GPD2: variants seen among roughly 807,000 people sequenced by gnomAD.
GPD2 encodes the protein glycerol-3-phosphate dehydrogenase 2.
In GPD2, 54 loss-of-function variants were observed where a neutral mutation model predicts 82.4. The ratio of observed to expected loss-of-function variants is 0.66; its 90% CI spans 0.53 to 0.82. The LOEUF (loss-of-function observed/expected upper bound fraction) is 0.82. Ranked by LOEUF, GPD2 falls within the 40% of genes least tolerant of loss-of-function variation. The pLI is 0.00. For synonymous variants in GPD2, 288 were observed against 306.1 expected, an observed-to-expected ratio of 0.94 and a Z score of 0.62; for missense variants, 748 against 896.2, an observed-to-expected ratio of 0.83 and a Z score of 2.11.
intron 6 of GPD2, among the ~76,000 whole-genome samples, chr2:156,516,806 T>C (rs527717626): frequency 1.3e-5 from 2 of 152,042 alleles, no homozygotes; most frequent in African/African-American, 4.8e-5. Flanking sequence ...ATTAGTAATA[T>C]CTTATACACT....
At position 156,582,880 on chromosome 2, in the gene GPD2, G is replaced by A. The variant is rs747731520; in HGVS notation, c.2146G>A (p.Val716Ile). The part of the protein sequence containing the change: ...KTAEENLDRR[V>I]PIPVDRSCGG... ...TGCAGAAGAGAACCTCGACAGAAGA[G>A]TTCCAATTCCAGTGGACCGTAGTTG... Residue 716 changes from valine (V) to isoleucine (I), a missense_variant, in exon 17 of 17, where the codon GTT (valine) becomes ATT (isoleucine). Physicochemically the swap from Val to Ile is conservative, Grantham distance 29 (BLOSUM62 3). Coordinates refer to ENST00000438166, the MANE Select transcript of GPD2 (RefSeq NM_000408.5). 115 of 1,613,040 alleles carry A rather than the reference G, an allele frequency of 7.1e-5. No individual in the cohort carries two copies. The highest frequency in any genetic ancestry group is 8.9e-5 in the Non-Finnish European group (105 of 1,179,304).
chr2:156,415,251 C>T, the GPD2 span, among the ~76,000 whole-genome samples: 844 of 151,256 alleles, frequency 5.6e-3, 9 homozygotes, highest in African/African-American at 0.019. Context: ...CTCCGCCTCC[C>T]GGGTTCACGC....
At chr2:156,497,457 CTG>C (rs538531298) in intron 3 of GPD2, among the ~76,000 whole-genome samples, 195 of 152,192 alleles carry the variant, frequency 1.3e-3, no homozygotes, top group African/African-American at 4.5e-3. Context: ...GGAATTTTGA[CTG>C]TGGAATATTT....
At chr2:156,407,573 G>A in the GPD2 span, among the ~76,000 whole-genome samples, 1 of 152,116 alleles carries the variant, frequency 6.6e-6, no homozygotes, top group Admixed American at 6.5e-5. Context: ...CTAAGGATTA[G>A]AATCAAAGCA....
intron 3 of GPD2, among the ~76,000 whole-genome samples, chr2:156,498,464 A>G (rs1684466772): frequency 6.6e-6 from 1 of 152,214 alleles, no homozygotes; most frequent in Admixed American, 6.5e-5. Flanking sequence ...TTGCTTGCTC[A>G]AAGTGTTCCA....
chr2:156,471,456 G>A (rs563359104), intron 1 of GPD2, among the ~76,000 whole-genome samples: 1 of 152,120 alleles, frequency 6.6e-6, no homozygotes, highest in East Asian at 1.9e-4. Context: ...TTTACTTCAC[G>A]TGTACACAGT....
chr2:156,510,913 T>C lies in GPD2; in HGVS notation c.392T>C (p.Ile131Thr). The C allele has an allele frequency of 6.2e-7, 1 of 1,613,752 alleles. No individual in the cohort carries two copies. Among genetic ancestry groups the C allele is most frequent in the Non-Finnish European group, 8.5e-7 (1 of 1,179,674 alleles). Residue 131 changes from isoleucine to threonine, a missense_variant, in exon 4 of 17, where the codon ATT becomes ACT. Ile to Thr is a moderately conservative substitution (Grantham distance 89, BLOSUM62 -1). This residue lies in a region of GPD2 where 692 missense variants were observed against 809.7 expected (regional missense o/e 0.85). Coordinates refer to ENST00000438166, the MANE Select transcript of GPD2 (RefSeq NM_000408.5). ...CAGAAGGCCATCATGAAGTTGGATA[T>C]TGAGCAGGTAATTGTGTATGCTGGT... The part of the protein sequence containing the change: ...YLQKAIMKLD[I>T]EQYRMVKEAL...
chr2:156,463,348 GTTCT>G (rs2105179354), intron 1 of GPD2, among the ~76,000 whole-genome samples: 1 of 152,120 alleles, frequency 6.6e-6, no homozygotes, highest in South Asian at 2.1e-4. Flanking sequence ...TTTTGTGTGT[GTTCT>G]TTGTTTGCTC....
At chr2:156,489,070 T>C (rs1005608858) in intron 2 of GPD2, among the ~76,000 whole-genome samples, 10 of 152,196 alleles carry the variant, frequency 6.6e-5, no homozygotes, top group Admixed American at 3.3e-4. Context: ...CTGAATTTGA[T>C]AGAGCTGCAG....
chr2:156,429,675 A>G, the GPD2 span, among the ~76,000 whole-genome samples: 2,182 of 152,250 alleles, frequency 0.014, 29 homozygotes, highest in Non-Finnish European at 0.021. Context: ...TATATTTAGT[A>G]TTTTTATTTC....
chr2:156,582,424 AT>A (rs1183848586), intron 16 of GPD2, among the ~76,000 whole-genome samples: 1 of 151,456 alleles, frequency 6.6e-6, no homozygotes, highest in Non-Finnish European at 1.5e-5. Context: ...TCTTTGTTCA[AT>A]CCCTGAGATT....
chr2:156,464,147 T>A, intron 1 of GPD2, among the ~76,000 whole-genome samples: 1 of 152,200 alleles, frequency 6.6e-6, no homozygotes, highest in East Asian at 1.9e-4. Context: ...CTTCACTTTT[T>A]TTGGAGTGGG....
intron 1 of GPD2, among the ~76,000 whole-genome samples, chr2:156,452,554 C>G (rs1324215122): frequency 6.6e-6 from 1 of 151,884 alleles, no homozygotes; most frequent in Non-Finnish European, 1.5e-5. Flanking sequence ...AGAGGGAGAC[C>G]GTGGGGAGAG....
At chr2:156,548,059 T>C (rs1290500282) in intron 6 of GPD2, among the ~76,000 whole-genome samples, 1 of 152,222 alleles carries the variant, frequency 6.6e-6, no homozygotes, top group Admixed American at 6.5e-5. Context: ...TTGTTAGATA[T>C]ATAAATCAAC....
At chr2:156,522,311 C>T (rs546975373) in intron 6 of GPD2, among the ~76,000 whole-genome samples, 145 of 152,186 alleles carry the variant, frequency 9.5e-4, no homozygotes, top group African/African-American at 3.3e-3. Context: ...GTATAGCAAG[C>T]CGAGATAGTA....
chr2:156,579,031 C>CT (rs563353640), intron 14 of GPD2, 30 bp downstream of exon 14: 417 of 1,521,142 alleles, frequency 2.7e-4, no homozygotes, highest in Middle Eastern at 3.4e-4. Context: ...ATCTATCTCT[C>CT]TTTTTTTTTG....
rs1688086252 is a variant in GPD2, at chr2:156,583,009, A to G, written c.*91A>G. On this transcript the variant is annotated 3_prime_UTR_variant, in exon 17 of 17. Coordinates refer to ENST00000438166, the MANE Select transcript of GPD2 (RefSeq NM_000408.5). Reference sequence around the variant, plus strand: ...TGACTGAAACCACTCTGAAATAATGAATGTGGATAGCTGCCTTTTTTAACA... The same window carrying G: ...TGACTGAAACCACTCTGAAATAATGGATGTGGATAGCTGCCTTTTTTAACA... The G allele has an allele frequency of 1.5e-6, 2 of 1,363,314 alleles. No individual in the cohort carries two copies. Among genetic ancestry groups the G allele is most frequent in the Admixed American group, 1.7e-5 (1 of 57,220 alleles). 84.5% of individuals were successfully genotyped at this position (1,363,314 alleles called of 1,614,324 possible).
At chr2:156,570,515 T>G (rs1687576030) in intron 12 of GPD2, among the ~76,000 whole-genome samples, 1 of 152,188 alleles carries the variant, frequency 6.6e-6, no homozygotes, top group Non-Finnish European at 1.5e-5. Context: ...TTGCAGCTCT[T>G]TAAGTTTGTA....
At chr2:156,486,659 T>C (rs908101260) in intron 2 of GPD2, among the ~76,000 whole-genome samples, 1 of 152,234 alleles carries the variant, frequency 6.6e-6, no homozygotes, top group African/African-American at 2.4e-5. Flanking sequence ...TAGAAATAGA[T>C]GATTTAAATA....
Sources: allele counts gnomAD v4.1 joint callset (sites outside exome capture counted in the v4.1 genomes callset), GRCh38; gene constraint gnomAD v4.1.1; regional missense constraint gnomAD v4.1.1; transcripts MANE v1.5; gene names NCBI Gene and HGNC (gene_info 2026-07-23, HGNC 2026-07-21).